Variants in TBC1D22A observed in about 807,000 individuals in gnomAD.
TBC1D22A encodes the protein putative GTPase activator.
A neutral mutation model predicts 60.2 loss-of-function variants in TBC1D22A; 38 were observed. The observed-to-expected ratio is 0.63, with a 90% CI of 0.49 to 0.83. The LOEUF is 0.83. Ranked by LOEUF, TBC1D22A falls within the 40% of genes least tolerant of loss-of-function variation. The pLI, the probability that TBC1D22A is intolerant of heterozygous loss-of-function variation, is 0.00. For missense variants in TBC1D22A, 628 were observed against 701.0 expected (o/e 0.90, Z 1.18); for synonymous variants, 302 against 281.7 (o/e 1.07, Z -0.72).
rs560307372 is a variant in TBC1D22A at position 46,777,864 on chromosome 22, A to T, written c.63-14656A>T. ...CTTAGGTGATTTGGTCCCTGTGTGA[A>T]CATCACAGAGCACATTTATACAAAC... On this transcript the variant is annotated intron_variant, in intron 1 of 12. Transcript: ENST00000337137. The surrounding 1 kb of genome is among the most constrained non-coding windows in gnomAD (Gnocchi z 4.5). Among the ~76,000 whole-genome samples the T allele has an allele frequency of 6.6e-6, 1 of 152,204 alleles. No individual in the cohort carries two copies. Among genetic ancestry groups the T allele is most frequent in the Non-Finnish European group, 1.5e-5 (1 of 68,032 alleles).
chr22:46,902,803 C>T (rs1053719457), intron 7 of TBC1D22A, among the ~76,000 whole-genome samples: 9 of 150,240 alleles, frequency 6.0e-5, no homozygotes, highest in East Asian at 1.9e-4. Flanking sequence ...CCGGTGGGCA[C>T]GTGGGGACAC....
intron 7 of TBC1D22A, among the ~76,000 whole-genome samples, chr22:46,902,780 A>G (rs1254840971): frequency 6.6e-6 from 1 of 151,244 alleles, no homozygotes; most frequent in African/African-American, 2.5e-5. Context: ...GAAGAACACC[A>G]GCAGACAGAC....
At chr22:47,173,407 G>T in intron 12 of TBC1D22A, 91 bp from the exon 13 acceptor site, 1 of 1,546,560 alleles carries the variant, frequency 6.5e-7, no homozygotes. Flanking sequence ...CCTCTGACCT[G>T]GGCTTGTATC....
At position 47,015,386 on chromosome 22, in the gene TBC1D22A, C is replaced by T. The variant is rs930661034; in HGVS notation, c.1201+17677C>T. Among the ~76,000 whole-genome samples, 3 of 152,186 alleles carry T rather than the reference C, an allele frequency of 2.0e-5. No individual in the cohort carries two copies. The South Asian group carries it at 6.2e-4, about 32-fold the overall frequency. On this transcript the variant is annotated intron_variant, in intron 10 of 12. Coordinates refer to ENST00000337137, the MANE Select transcript of TBC1D22A (RefSeq NM_014346.5). Reference sequence around the variant, plus strand: ...TTTCAGGAACAATGAATGCCTTCGGCCCTCTGTTTAAATGACTGAATTATA... The same window carrying T: ...TTTCAGGAACAATGAATGCCTTCGGTCCTCTGTTTAAATGACTGAATTATA...
chr22:47,050,703 G>A (rs1303686361), intron 11 of TBC1D22A, among the ~76,000 whole-genome samples: 1 of 149,094 alleles, frequency 6.7e-6, no homozygotes, highest in African/African-American at 2.4e-5. Flanking sequence ...CCCGGAGTCA[G>A]ATTGCAGGCC....
chr22:46,879,226 G>A (rs1349477218), intron 5 of TBC1D22A, among the ~76,000 whole-genome samples: 1 of 151,410 alleles, frequency 6.6e-6, no homozygotes, highest in Non-Finnish European at 1.5e-5. Context: ...TTGTGTTTCT[G>A]TGGTGGAGTG....
At chr22:46,893,897 G>C (rs764224841) in intron 6 of TBC1D22A, among the ~76,000 whole-genome samples, 1 of 152,196 alleles carries the variant, frequency 6.6e-6, no homozygotes, top group Non-Finnish European at 1.5e-5. Flanking sequence ...CACCAGTAAC[G>C]TTTTGAGATA....
chr22:46,960,227 A>G (rs1050639262), intron 8 of TBC1D22A, among the ~76,000 whole-genome samples: 3 of 151,264 alleles, frequency 2.0e-5, no homozygotes, highest in Non-Finnish European at 4.4e-5. Context: ...ATATAGTGCC[A>G]TATCAGACAT....
intron 1 of TBC1D22A, among the ~76,000 whole-genome samples, chr22:46,782,635 C>T (rs2083990162): frequency 6.6e-6 from 1 of 152,202 alleles, no homozygotes; most frequent in Admixed American, 6.5e-5. Flanking sequence ...TTAGCATTCA[C>T]TTCCCATTCT....
intron 10 of TBC1D22A, among the ~76,000 whole-genome samples, chr22:47,003,850 T>A (rs915579345): frequency 7.5e-6 from 1 of 133,548 alleles, no homozygotes; most frequent in Non-Finnish European, 1.6e-5. Context: ...TACGCACACA[T>A]GCCTGTATAC....
At chr22:46,909,299 C>T (rs540691711) in intron 7 of TBC1D22A, among the ~76,000 whole-genome samples, 100 of 149,094 alleles carry the variant, frequency 6.7e-4, no homozygotes, top group African/African-American at 2.5e-3. Flanking sequence ...TACACATACA[C>T]ACACACACAC....
At chr22:46,769,196 G>A (rs992796435) in intron 1 of TBC1D22A, among the ~76,000 whole-genome samples, 2 of 152,066 alleles carry the variant, frequency 1.3e-5, no homozygotes, top group Non-Finnish European at 2.9e-5. Flanking sequence ...GAGCACAAGA[G>A]GGTTCTTAGT....
intron 7 of TBC1D22A, among the ~76,000 whole-genome samples, chr22:46,900,003 TG>T (rs1200850966): frequency 6.6e-6 from 1 of 151,206 alleles, no homozygotes; most frequent in Non-Finnish European, 1.5e-5. Context: ...CCACAGGTGA[TG>T]GCTGGGTCCA....
rs2062320917 is a variant in TBC1D22A, at chr22:47,028,067, G to C, written c.1202-9004G>C. 6.6e-6 allele frequency among the ~76,000 whole-genome samples: 1 copy of C among 152,186 alleles called. No homozygotes were observed. The highest frequency in any genetic ancestry group is 2.4e-5 in the African/African-American group (1 of 41,442). On this transcript the variant is annotated intron_variant, in intron 10 of 12. Coordinates refer to ENST00000337137, the MANE Select transcript of TBC1D22A (RefSeq NM_014346.5). The surrounding 1 kb of genome is among the most constrained non-coding windows in gnomAD (Gnocchi z 4.4). ...ATGGAAATGACCCTGTTTTGGAGGG[G>C]TGTGCTGAGTAGCTCGTGTGCACGT...
At chr22:46,832,571 G>C (rs1023850989) in intron 4 of TBC1D22A, among the ~76,000 whole-genome samples, 4 of 152,136 alleles carry the variant, frequency 2.6e-5, no homozygotes, top group Admixed American at 2.6e-4. Flanking sequence ...GCTTGAAACA[G>C]AAAGGCAGAG....
chr22:46,908,363 C>A (rs5769233), intron 7 of TBC1D22A, among the ~76,000 whole-genome samples: 61,873 of 152,016 alleles, frequency 0.41, 15,245 homozygotes, highest in African/African-American at 0.67. Flanking sequence ...CCCTAAAAGC[C>A]TGTGCCTTTA....
chr22:47,136,706 G>T (rs902153630), intron 12 of TBC1D22A, among the ~76,000 whole-genome samples: 4 of 152,222 alleles, frequency 2.6e-5, no homozygotes, highest in African/African-American at 4.8e-5. Flanking sequence ...CACCCACCCT[G>T]AGCTTGTGCA....
At chr22:46,792,375 C>T (rs2084450035) in intron 1 of TBC1D22A, 145 bp from the exon 2 acceptor site, 1 of 1,089,532 alleles carries the variant, frequency 9.2e-7, no homozygotes, top group Non-Finnish European at 1.4e-6. Context: ...CCCCGGGTGG[C>T]TGCAGGGGGG....
intron 10 of TBC1D22A, among the ~76,000 whole-genome samples, chr22:47,032,489 G>A (rs1323707311): frequency 6.9e-6 from 1 of 145,544 alleles, no homozygotes; most frequent in Non-Finnish European, 1.5e-5. Flanking sequence ...TGGAGTGAGA[G>A]GAGAGAGGGA....
Sources: gnomAD v4.1 joint callset for allele counts (sites outside exome capture counted in the v4.1 genomes callset) on GRCh38, gnomAD v4.1.1 for gene constraint, Gnocchi (gnomAD v3.1) non-coding constraint, MANE v1.5 for transcripts, NCBI Gene and HGNC (gene_info 2026-07-23, HGNC 2026-07-21) for gene names.